Variants in KLHL32 observed in about 807,000 individuals in gnomAD.
KLHL32 encodes kelch-like protein 32.
A neutral mutation model predicts 64.8 loss-of-function variants in KLHL32; 35 were observed. That is an observed-to-expected ratio of 0.54 (90% confidence interval 0.41 to 0.72). The LOEUF (loss-of-function observed/expected upper bound fraction) is 0.72, where lower values mean the gene tolerates loss of function less well. Among genes scored for constraint, KLHL32 ranks in the 30% least tolerant of loss-of-function variants. The pLI, the probability that KLHL32 is intolerant of heterozygous loss-of-function variation, is 0.00. For missense variants in KLHL32, 589 were observed against 768.5 expected, an observed-to-expected ratio of 0.77 and a Z score of 2.76; for synonymous variants, 259 against 281.0, an observed-to-expected ratio of 0.92 and a Z score of 0.78.
At chr6:97,019,247 C>T (rs1457370833) in intron 3 of KLHL32, among the ~76,000 whole-genome samples, 1 of 152,134 alleles carries the variant, frequency 6.6e-6, no homozygotes, top group African/African-American at 2.4e-5. Flanking sequence ...TAGTTATAGC[C>T]TTTTTGCAAT....
At chr6:96,940,000 G>A (rs1771090322) in intron 1 of KLHL32, among the ~76,000 whole-genome samples, 1 of 152,118 alleles carries the variant, frequency 6.6e-6, no homozygotes, top group Non-Finnish European at 1.5e-5. Flanking sequence ...TATTGAGGGT[G>A]AGGGAAGAGA....
At chr6:97,051,226 CA>C (rs1031223375) in intron 4 of KLHL32, among the ~76,000 whole-genome samples, 2 of 152,104 alleles carry the variant, frequency 1.3e-5, no homozygotes, top group African/African-American at 4.8e-5. Flanking sequence ...GTGTTTTAAC[CA>C]TATCTCCCTT....
chr6:96,905,368 T>G, the KLHL32 span, among the ~76,000 whole-genome samples: 1 of 152,198 alleles, frequency 6.6e-6, no homozygotes, highest in Admixed American at 6.5e-5. Flanking sequence ...ACTCAATAAC[T>G]CCAGAGCTAG....
chr6:96,958,586 G>T (rs776692871), intron 1 of KLHL32, among the ~76,000 whole-genome samples: 9 of 152,298 alleles, frequency 5.9e-5, no homozygotes, highest in Non-Finnish European at 1.2e-4. Context: ...AATTTAAGAA[G>T]TTTGACTTTA....
intron 3 of KLHL32, among the ~76,000 whole-genome samples, chr6:97,003,795 G>A (rs1779338730): frequency 2.0e-5 from 3 of 152,146 alleles, no homozygotes; most frequent in Admixed American, 2.0e-4. Flanking sequence ...AAGATCAGAT[G>A]GTTGTAGGTA....
intron 5 of KLHL32, among the ~76,000 whole-genome samples, chr6:97,075,028 C>T (rs1419803959): frequency 1.3e-5 from 2 of 152,052 alleles, no homozygotes; most frequent in Non-Finnish European, 2.9e-5. Flanking sequence ...CACTTCCTCC[C>T]TACTAGATTT....
At chr6:96,925,851 T>G (rs1267698518) in intron 1 of KLHL32, among the ~76,000 whole-genome samples, 1 of 152,228 alleles carries the variant, frequency 6.6e-6, no homozygotes, top group Non-Finnish European at 1.5e-5. Flanking sequence ...AAAAAATCTC[T>G]TATTGATTAT....
chr6:96,975,575 A>G (rs1007730718), intron 2 of KLHL32, among the ~76,000 whole-genome samples: 11 of 152,266 alleles, frequency 7.2e-5, no homozygotes, highest in African/African-American at 1.4e-4. Context: ...TCAGGGAATT[A>G]GAGAGAGGGG....
In KLHL32 at chr6:97,131,863, C is replaced by T. The variant is rs141868454; in HGVS notation, c.1607-790C>T. On this transcript the variant is annotated intron_variant, in intron 9 of 10. Coordinates refer to ENST00000369261, the MANE Select transcript of KLHL32 (RefSeq NM_052904.4). ...GACTTAGAAACTCTCTGAGTTTTAG[C>T]GGTACCTTAGGCCCTCGATTCTGGA... is the stretch of plus-strand genomic sequence containing the variant. Among the ~76,000 whole-genome samples, 1,192 of 152,206 alleles carry T rather than the reference C, an allele frequency of 7.8e-3. 7 individuals are homozygous for T. The highest frequency in any genetic ancestry group is 0.027 in the Middle Eastern group (8 of 294).
chr6:97,043,820 A>G (rs1194069000), intron 4 of KLHL32, among the ~76,000 whole-genome samples: 1 of 151,948 alleles, frequency 6.6e-6, no homozygotes, highest in African/African-American at 2.4e-5. Context: ...ATTTTTTTTC[A>G]TATATCTGTT....
At chr6:97,087,671 C>G (rs1295486096) in intron 6 of KLHL32, among the ~76,000 whole-genome samples, 2 of 152,156 alleles carry the variant, frequency 1.3e-5, no homozygotes, top group East Asian at 1.9e-4. Context: ...CAACCAGTAA[C>G]TTAGATGAGA....
chr6:97,055,816 A>C (rs143578311), intron 4 of KLHL32, among the ~76,000 whole-genome samples: 3,783 of 144,404 alleles, frequency 0.026, 227 homozygotes, highest in East Asian at 0.075. Flanking sequence ...AAAAAAAAAA[A>C]AAAAAACCCC....
intron 3 of KLHL32, among the ~76,000 whole-genome samples, chr6:97,040,424 G>T (rs546126523): frequency 2.0e-5 from 3 of 152,026 alleles, no homozygotes; most frequent in Admixed American, 1.3e-4. Context: ...TTGGAGAATT[G>T]GTTGGGGGCA....
chr6:96,926,415 C>A (rs1384115933), intron 1 of KLHL32, among the ~76,000 whole-genome samples: 1 of 152,202 alleles, frequency 6.6e-6, no homozygotes, highest in African/African-American at 2.4e-5. Context: ...TTTTACATTA[C>A]AGTGTAGAAA....
chr6:97,089,081 A>C (rs1793845280), intron 6 of KLHL32, among the ~76,000 whole-genome samples: 1 of 152,230 alleles, frequency 6.6e-6, no homozygotes, highest in Non-Finnish European at 1.5e-5. Context: ...CTAAATACCC[A>C]AAATTATGCT....
intron 3 of KLHL32, chr6:96,994,640 A>C: frequency 1.0e-6 from 1 of 983,910 alleles, no homozygotes; most frequent in Non-Finnish European, 1.2e-6. Flanking sequence ...TCTTGTTTAA[A>C]ATATGATTAA....
intron 5 of KLHL32, among the ~76,000 whole-genome samples, chr6:97,079,753 A>T: frequency 6.6e-6 from 1 of 152,214 alleles, no homozygotes; most frequent in East Asian, 1.9e-4. Flanking sequence ...CCAAAGGAAA[A>T]TAAATACTAT....
chr6:97,116,165 A>G (rs1562355993), intron 7 of KLHL32, among the ~76,000 whole-genome samples: 1 of 152,242 alleles, frequency 6.6e-6, no homozygotes, highest in Non-Finnish European at 1.5e-5. Flanking sequence ...AAGGAAGCAG[A>G]CAGATGAAGT....
At chr6:97,011,167 C>A (rs1380701909) in intron 3 of KLHL32, among the ~76,000 whole-genome samples, 1 of 152,118 alleles carries the variant, frequency 6.6e-6, no homozygotes, top group Non-Finnish European at 1.5e-5. Context: ...TCTTGTCTAG[C>A]CAAGTTCACG....
Sources: gnomAD v4.1 joint callset for allele counts (sites outside exome capture counted in the v4.1 genomes callset) on GRCh38, gnomAD v4.1.1 for gene constraint, MANE v1.5 for transcripts, NCBI Gene and HGNC (gene_info 2026-07-23, HGNC 2026-07-21) for gene names.